Variants in RIT2 observed in about 807,000 individuals in gnomAD.
The protein encoded by RIT2 is Ras like without CAAX 2.
In RIT2, 24 loss-of-function variants were observed where a neutral mutation model predicts 23.7. That is an observed-to-expected ratio of 1.01 (90% CI 0.73 to 1.43). The LOEUF (loss-of-function observed/expected upper bound fraction) is 1.43, where lower values mean the gene tolerates loss of function less well. RIT2 is among the 40% of genes most tolerant of loss of function. The pLI, the probability that RIT2 is intolerant of heterozygous loss-of-function variation, is 0.00. For missense variants in RIT2, 236 were observed against 266.9 expected (o/e 0.88, Z 0.81); for synonymous variants, 107 against 91.1 (o/e 1.17, Z -0.99).
intron 4 of RIT2, among the ~76,000 whole-genome samples, chr18:42,770,049 G>A (rs1567991988): frequency 6.6e-6 from 1 of 151,700 alleles, no homozygotes; most frequent in Admixed American, 6.6e-5. Context: ...GGCCGGGTTT[G>A]GAAAGAAAGT....
intron 2 of RIT2, among the ~76,000 whole-genome samples, chr18:43,024,858 G>A (rs1265697563): frequency 6.6e-6 from 1 of 151,876 alleles, no homozygotes; most frequent in East Asian, 1.9e-4. Flanking sequence ...CTCATCAGAG[G>A]AATGCAAATT....
chr18:43,063,823 G>A (rs944101372), intron 1 of RIT2, among the ~76,000 whole-genome samples: 2 of 152,158 alleles, frequency 1.3e-5, no homozygotes, highest in African/African-American at 4.8e-5. Context: ...TCAAAAGTGG[G>A]CTGTGGGAAT....
At chr18:43,020,861 T>G (rs1568057904) in intron 2 of RIT2, among the ~76,000 whole-genome samples, 1 of 152,068 alleles carries the variant, frequency 6.6e-6, no homozygotes, top group Non-Finnish European at 1.5e-5. Context: ...ACAAAAAATT[T>G]CAAAATGGAT....
intron 4 of RIT2, among the ~76,000 whole-genome samples, chr18:42,882,203 T>A (rs1365663334): frequency 6.6e-6 from 1 of 152,244 alleles, no homozygotes; most frequent in Non-Finnish European, 1.5e-5. Flanking sequence ...ATTCAGCTAC[T>A]GAAGCACTGA....
intron 4 of RIT2, among the ~76,000 whole-genome samples, chr18:42,788,195 C>T (rs905541316): frequency 6.6e-6 from 1 of 152,070 alleles, no homozygotes; most frequent in African/African-American, 2.4e-5. Context: ...TACAAAACAG[C>T]TAGATTCTTA....
At chr18:43,101,339 G>A (rs539151430) in intron 1 of RIT2, among the ~76,000 whole-genome samples, 2 of 152,096 alleles carry the variant, frequency 1.3e-5, no homozygotes, top group South Asian at 4.2e-4. Flanking sequence ...CTCTTCGTTA[G>A]CAGTGTAGTC....
At position 42,749,902 on chromosome 18, in the gene RIT2, G is replaced by A. The variant is rs569502068; in HGVS notation, c.427-6182C>T. Among the ~76,000 whole-genome samples the A allele has an allele frequency of 3.3e-5, 5 of 151,470 alleles. 1 individual carries two copies. In the South Asian group the frequency reaches 8.4e-4, roughly 25 times the overall value. On this transcript the variant is annotated intron_variant, in intron 4 of 4. Transcript: ENST00000326695. ...TGTATGCAACAAAGACATGCAAATT[G>A]TTTACAGTAACATTATTCACAATAG...
At chr18:42,986,723 A>G (rs1395556353) in intron 2 of RIT2, among the ~76,000 whole-genome samples, 3 of 151,714 alleles carry the variant, frequency 2.0e-5, no homozygotes, top group Non-Finnish European at 4.4e-5. Flanking sequence ...GCTGGTCTCA[A>G]ACTCTTGGCC....
intron 2 of RIT2, among the ~76,000 whole-genome samples, chr18:43,032,322 G>A (rs531535486): frequency 1.2e-4 from 19 of 152,110 alleles, no homozygotes; most frequent in African/African-American, 2.9e-4. Context: ...GCTGTTAGAC[G>A]TGAGAGGTTG....
At chr18:43,101,404 T>C (rs1913681271) in intron 1 of RIT2, among the ~76,000 whole-genome samples, 3 of 152,304 alleles carry the variant, frequency 2.0e-5, no homozygotes, top group Admixed American at 6.5e-5. Context: ...TAAATTTAGA[T>C]ATAAATGTTA....
At chr18:42,894,317 A>C (rs1044197670) in intron 4 of RIT2, among the ~76,000 whole-genome samples, 12 of 152,328 alleles carry the variant, frequency 7.9e-5, no homozygotes, top group Admixed American at 2.0e-4. Context: ...AATCAACAGA[A>C]AACTGAATCC....
At chr18:42,751,791 G>T (rs1244189829) in intron 4 of RIT2, among the ~76,000 whole-genome samples, 1 of 151,742 alleles carries the variant, frequency 6.6e-6, no homozygotes, top group Admixed American at 6.6e-5. Flanking sequence ...TATCTAAATG[G>T]AAATTATACT....
chr18:43,003,559 A>G (rs2144244897), intron 2 of RIT2, among the ~76,000 whole-genome samples: 1 of 152,020 alleles, frequency 6.6e-6, no homozygotes, highest in East Asian at 2.0e-4. Context: ...AGTGTTAATC[A>G]CATCTATTTC....
chr18:42,766,682 A>G (rs1393234848), intron 4 of RIT2, among the ~76,000 whole-genome samples: 3 of 152,214 alleles, frequency 2.0e-5, no homozygotes, highest in African/African-American at 7.2e-5. Context: ...ATGGGGGAAA[A>G]TGTCTCCAGG....
chr18:42,944,401 AG>A (rs1400799996), intron 3 of RIT2, among the ~76,000 whole-genome samples: 1 of 152,082 alleles, frequency 6.6e-6, no homozygotes, highest in African/African-American at 2.4e-5. Context: ...TCATGAGTTC[AG>A]GGATTTATGT....
At chr18:42,992,530 C>A (rs1301446115) in intron 2 of RIT2, among the ~76,000 whole-genome samples, 3 of 152,218 alleles carry the variant, frequency 2.0e-5, no homozygotes, top group South Asian at 2.1e-4. Context: ...ACCCATCTGA[C>A]CTCTCTCTTC....
chr18:43,023,600 C>A (rs1284121426), intron 2 of RIT2, among the ~76,000 whole-genome samples: 1 of 151,898 alleles, frequency 6.6e-6, no homozygotes, highest in African/African-American at 2.4e-5. Flanking sequence ...GACCAGCAAC[C>A]TATGTTAAAT....
chr18:42,882,632 C>T (rs1346820456), intron 4 of RIT2, among the ~76,000 whole-genome samples: 3 of 152,174 alleles, frequency 2.0e-5, no homozygotes, highest in Non-Finnish European at 2.9e-5. Context: ...ATCACTGGGT[C>T]TAGTCACTGT....
chr18:42,836,674 A>C (rs1906611873), intron 4 of RIT2, among the ~76,000 whole-genome samples: 1 of 152,196 alleles, frequency 6.6e-6, no homozygotes, highest in African/African-American at 2.4e-5. Flanking sequence ...GTGAAGAAAA[A>C]TGCCACCAGC....
Sources: gnomAD v4.1 joint callset for allele counts (sites outside exome capture counted in the v4.1 genomes callset) on GRCh38, gnomAD v4.1.1 for gene constraint, MANE v1.5 for transcripts, NCBI Gene and HGNC (gene_info 2026-07-23, HGNC 2026-07-21) for gene names.